The following ARHGAP25 variants were observed in gnomAD, a reference collection of about 807,000 sequenced individuals.
ARHGAP25 encodes the protein Rho GTPase activating protein 25.
A neutral mutation model predicts 71.0 loss-of-function variants in ARHGAP25; 34 were observed. The observed-to-expected ratio is 0.48, with a 90% CI of 0.36 to 0.64. The LOEUF (loss-of-function observed/expected upper bound fraction) is 0.64. ARHGAP25 is among the 30% of genes least tolerant of loss of function. The pLI is 0.00. For missense variants in ARHGAP25, 706 were observed against 805.1 expected, an observed-to-expected ratio of 0.88 and a Z score of 1.49; for synonymous variants, 282 against 296.5, an observed-to-expected ratio of 0.95 and a Z score of 0.50.
intron 4 of ARHGAP25, among the ~76,000 whole-genome samples, chr2:68,794,471 A>G (rs1049374728): frequency 7.2e-5 from 11 of 152,112 alleles, no homozygotes; most frequent in African/African-American, 2.4e-4. Context: ...GAGAATTTTT[A>G]TTATGAACAG....
At chr2:68,713,204 C>G (rs1441105669) in intron 2 of ARHGAP25, among the ~76,000 whole-genome samples, 1 of 152,148 alleles carries the variant, frequency 6.6e-6, no homozygotes, top group Non-Finnish European at 1.5e-5. Flanking sequence ...GTTTGTAGTT[C>G]TCCTTGAAGA....
chr2:68,766,122 A>C (rs1677109428), intron 1 of ARHGAP25, among the ~76,000 whole-genome samples: 1 of 152,234 alleles, frequency 6.6e-6, no homozygotes, highest in South Asian at 2.1e-4. Context: ...CCTCTTACCT[A>C]AAATAAATGA....
chr2:68,747,560 A>G (rs1444068677), intron 1 of ARHGAP25, among the ~76,000 whole-genome samples: 5 of 152,132 alleles, frequency 3.3e-5, no homozygotes, highest in Non-Finnish European at 7.4e-5. Context: ...CCATGGCTTT[A>G]AGTCCTACCT....
chr2:68,760,306 C>G lies in ARHGAP25; in HGVS notation c.62-14915C>G, dbSNP rs372006926. ...GCAAGGATGTCCACTTTTGCAACTTCGATGCAATGTAATACTTGAAGCCCT... is the reference window on the plus strand; with the variant it reads ...GCAAGGATGTCCACTTTTGCAACTTGGATGCAATGTAATACTTGAAGCCCT... On this transcript the variant is annotated intron_variant, in intron 1 of 10. Coordinates refer to ENST00000409202, the MANE Select transcript of ARHGAP25 (RefSeq NM_001007231.3). Among the ~76,000 whole-genome samples, 9 of 152,046 alleles carry G rather than the reference C, an allele frequency of 5.9e-5. No individual in the cohort carries two copies. In the East Asian group the frequency reaches 1.7e-3, roughly 29 times the overall value.
intron 1 of ARHGAP25, among the ~76,000 whole-genome samples, chr2:68,759,448 G>A (rs1676672142): frequency 6.6e-6 from 1 of 151,634 alleles, no homozygotes; most frequent in Non-Finnish European, 1.5e-5. Context: ...AGTACTATAA[G>A]CAATTGTACA....
chr2:68,810,867 G>A (rs1680758076), intron 5 of ARHGAP25, among the ~76,000 whole-genome samples: 1 of 151,662 alleles, frequency 6.6e-6, no homozygotes, highest in Non-Finnish European at 1.5e-5. Context: ...TCAGCCTCCT[G>A]AGTAGCTGGG....
chr2:68,807,525 C>T (rs780890505), intron 5 of ARHGAP25, 45 bp downstream of exon 5: 1 of 1,589,612 alleles, frequency 6.3e-7, no homozygotes, highest in African/African-American at 1.3e-5. Context: ...CTCCCCTCTG[C>T]TTGGCTTGGC....
chr2:68,796,077 C>G (rs1386580987), intron 4 of ARHGAP25, among the ~76,000 whole-genome samples: 1 of 152,084 alleles, frequency 6.6e-6, no homozygotes. Context: ...TACTTGTATT[C>G]AGGTTCTGAA....
intron 1 of ARHGAP25, among the ~76,000 whole-genome samples, chr2:68,753,084 G>GC (rs1032456334): frequency 6.6e-6 from 1 of 151,770 alleles, no homozygotes; most frequent in East Asian, 1.9e-4. Flanking sequence ...TGGATGGGGG[G>GC]GGTGATAAAA....
intron 7 of ARHGAP25, among the ~76,000 whole-genome samples, chr2:68,817,179 A>G (rs1243963703): frequency 6.6e-6 from 1 of 152,210 alleles, no homozygotes; most frequent in African/African-American, 2.4e-5. Context: ...AAATAACTTC[A>G]TAATATTTCA....
Position 68,775,549 on chromosome 2 carries a change from C to T in ARHGAP25, c.261+129C>T, listed in dbSNP as rs1012668212. The T allele has an allele frequency of 1.1e-5, 16 of 1,413,720 alleles. No individual in the cohort carries two copies. The African/African-American group carries it at 2.1e-4, about 19-fold the overall frequency. The allele number at this position is 1,413,720 out of a possible 1,614,324, so 87.6% of individuals were successfully genotyped here. The stretch of plus-strand genomic sequence containing the variant: ...GACACACCCATTGGAAAGGAAATTG[C>T]TTTTCCCTTTACACCATTTTCTAGA... On this transcript the variant is annotated intron_variant, in intron 2 of 10. Transcript: ENST00000409202.
intron 2 of ARHGAP25, among the ~76,000 whole-genome samples, chr2:68,727,076 G>A (rs535861253): frequency 3.3e-5 from 5 of 152,244 alleles, no homozygotes; most frequent in African/African-American, 9.6e-5. Context: ...ATTCCAGGAC[G>A]TACATGCTGA....
chr2:68,824,483 T>C (rs750560358), intron 10 of ARHGAP25, among the ~76,000 whole-genome samples: 41 of 152,294 alleles, frequency 2.7e-4, no homozygotes, highest in Middle Eastern at 3.4e-3. Flanking sequence ...TGGCTCACGC[T>C]TGTAATCCCA....
At chr2:68,732,446 C>G (rs957005594), upstream of ARHGAP25, among the ~76,000 whole-genome samples, 2 of 152,208 alleles carry the variant, frequency 1.3e-5, no homozygotes, top group Admixed American at 1.3e-4. Context: ...CCGGGCCAGA[C>G]AGCTACCTCT....
intron 1 of ARHGAP25, among the ~76,000 whole-genome samples, chr2:68,774,171 G>C (rs1190761224): frequency 6.6e-6 from 1 of 152,148 alleles, no homozygotes. Context: ...TGCAGACACT[G>C]GGTATTAGCA....
chr2:68,767,809 G>T lies in ARHGAP25; in HGVS notation c.62-7412G>T, dbSNP rs1333821587. On this transcript the variant is annotated intron_variant, in intron 1 of 10. Coordinates refer to ENST00000409202, the MANE Select transcript of ARHGAP25 (RefSeq NM_001007231.3). This position sits in a 1 kb window ranked among gnomAD's most constrained non-coding sequence, Gnocchi z 4.6. ...GTGTTTTCGAGGCCTGCTGAGCCTT[G>T]CAGAGCATACACTGGCGGAAATAGC... is the stretch of plus-strand genomic sequence containing the variant. 6.6e-6 allele frequency among the ~76,000 whole-genome samples: 1 copy of T among 152,184 alleles called. No individual in the cohort carries two copies. Among genetic ancestry groups the T allele is most frequent in the Non-Finnish European group, 1.5e-5 (1 of 68,026 alleles).
intron 2 of ARHGAP25, among the ~76,000 whole-genome samples, chr2:68,780,487 G>C (rs1678245393): frequency 6.6e-6 from 1 of 152,122 alleles, no homozygotes; most frequent in Non-Finnish European, 1.5e-5. Flanking sequence ...TATTAAAGAT[G>C]GTGAGGACTG....
rs1332855678 is a variant in ARHGAP25 at position 68,819,219 on chromosome 2, A to G, written c.1100A>G (p.Gln367Arg). 1 of 1,614,174 alleles carries G rather than the reference A, an allele frequency of 6.2e-7. No individual in the cohort carries two copies. Among genetic ancestry groups the G allele is most frequent in the Non-Finnish European group, 8.5e-7 (1 of 1,180,030 alleles). Residue 367 changes from glutamine to arginine, a missense_variant, in exon 9 of 11, where the codon CAG (glutamine) becomes CGG (arginine). Physicochemically the swap from Gln to Arg is conservative, Grantham distance 43. Coordinates refer to ENST00000409202, the MANE Select transcript of ARHGAP25 (RefSeq NM_001007231.3). The stretch of plus-strand genomic sequence containing the variant: ...GATATACCCCTGTCACCCCCTGCCC[A>G]GAAAAATGACCCCAAGAAAGCTCCA... ...SKDIPLSPPA[Q>R]KNDPKKAPVA...
intron 2 of ARHGAP25, among the ~76,000 whole-genome samples, chr2:68,720,895 C>T (rs1196593639): frequency 6.6e-6 from 1 of 152,174 alleles, no homozygotes; most frequent in African/African-American, 2.4e-5. Context: ...GGTCACCACC[C>T]TCAGCATGTC....
Sources: allele counts gnomAD v4.1 joint callset (sites outside exome capture counted in the v4.1 genomes callset), GRCh38; gene constraint gnomAD v4.1.1; non-coding constraint Gnocchi (gnomAD v3.1); transcripts MANE v1.5; gene names NCBI Gene and HGNC (gene_info 2026-07-23, HGNC 2026-07-21).